Variants in ZNF827 observed in about 807,000 individuals in gnomAD.
ZNF827 encodes the protein zinc finger protein 827.
ZNF827 carries 13 observed loss-of-function variants against 102.4 expected under a neutral mutation model. The observed-to-expected ratio is 0.13, with a 90% CI of 0.08 to 0.20. The LOEUF (loss-of-function observed/expected upper bound fraction) is 0.20. Among genes scored for constraint, ZNF827 ranks in the 10% least tolerant of loss-of-function variants. ZNF827 has a pLI of 1.00. For synonymous variants in ZNF827, 523 were observed against 536.2 expected, an observed-to-expected ratio of 0.98 and a Z score of 0.34; for missense variants, 1,103 against 1,344.4, an observed-to-expected ratio of 0.82 and a Z score of 2.81.
chr4:145,832,997 C>T (rs571946381), intron 7 of ZNF827: 112 of 164,046 alleles, frequency 6.8e-4, no homozygotes, highest in Non-Finnish European at 1.3e-3. Context: ...TCTCTTCACA[C>T]GGACGTGCAT....
chr4:145,772,581 A>G (rs1002867134), intron 11 of ZNF827, among the ~76,000 whole-genome samples: 4 of 152,204 alleles, frequency 2.6e-5, no homozygotes, highest in African/African-American at 9.7e-5. Context: ...GTCTACGACT[A>G]CTTTCAAGTT....
Position 145,763,219 on chromosome 4 carries a change from A to G in ZNF827, c.3231-97T>C. 8.3e-7 allele frequency: 1 copy of G among 1,202,750 alleles called. No homozygotes were observed. The highest frequency in any genetic ancestry group is 1.2e-6 in the Non-Finnish European group (1 of 859,144). The allele number at this position is 1,202,750 out of a possible 1,614,324, so 74.5% of individuals were successfully genotyped here. A position where few individuals can be genotyped will look rare whatever the true frequency, so the allele number is the denominator to read the frequency against. Reference sequence around the variant, plus strand: ...GTTCCATCACAGAAAAGCAATTTAGACATCAGCAGTCTGTTTCATTTTAAG... The same window carrying G: ...GTTCCATCACAGAAAAGCAATTTAGGCATCAGCAGTCTGTTTCATTTTAAG... On this transcript the variant is annotated intron_variant, in intron 13 of 14. Coordinates refer to ENST00000508784, the MANE Select transcript of ZNF827 (RefSeq NM_001306215.2). The surrounding 1 kb of genome is among the most constrained non-coding windows in gnomAD (Gnocchi z 4.6).
intron 1 of ZNF827, among the ~76,000 whole-genome samples, chr4:145,935,803 T>A (rs964501707): frequency 6.6e-6 from 1 of 152,022 alleles, no homozygotes; most frequent in African/African-American, 2.4e-5. Context: ...AGCCTGAATT[T>A]CCTCTCAGAC....
chr4:145,775,717 A>C (rs1736961242), intron 10 of ZNF827, 72 bp downstream of exon 10: 5 of 1,567,912 alleles, frequency 3.2e-6, no homozygotes, highest in Non-Finnish European at 3.5e-6. Flanking sequence ...GTATGCCCAC[A>C]GCAGACAGGT....
At chr4:145,810,452 T>G (rs1324162149) in intron 8 of ZNF827, among the ~76,000 whole-genome samples, 1 of 152,082 alleles carries the variant, frequency 6.6e-6, no homozygotes, top group Non-Finnish European at 1.5e-5. Flanking sequence ...AAGTGTAATG[T>G]AAATTGATGA....
intron 5 of ZNF827, among the ~76,000 whole-genome samples, chr4:145,867,232 C>T (rs1422677648): frequency 2.0e-5 from 3 of 152,182 alleles, no homozygotes; most frequent in Non-Finnish European, 4.4e-5. Flanking sequence ...CAATTAACAA[C>T]TGGAAATAGA....
chr4:145,840,473 G>T (rs994068011), intron 7 of ZNF827, among the ~76,000 whole-genome samples: 1 of 152,202 alleles, frequency 6.6e-6, no homozygotes. Context: ...CCTAACTGAA[G>T]GGACTCTGTG....
intron 2 of ZNF827, among the ~76,000 whole-genome samples, chr4:145,897,985 T>G (rs1055884400): frequency 5.9e-5 from 9 of 152,048 alleles, no homozygotes; most frequent in Non-Finnish European, 1.0e-4. Context: ...CGAAACCCCA[T>G]CTCTACTAAA....
rs185680925 is a variant in ZNF827 at position 145,912,147 on chromosome 4, C to T, written c.44-8932G>A. On this transcript the variant is annotated intron_variant, in intron 1 of 14. Coordinates refer to ENST00000508784, the MANE Select transcript of ZNF827 (RefSeq NM_001306215.2). ...AAAATTATCAAAGTGCCATCAAGTA[C>T]GCAATATTTTCAAAATTTAATTTGA... 7.2e-5 allele frequency among the ~76,000 whole-genome samples: 11 copies of T among 152,178 alleles called. No individual in the cohort carries two copies. In the East Asian group the frequency reaches 1.5e-3, roughly 21 times the overall value.
intron 7 of ZNF827, among the ~76,000 whole-genome samples, chr4:145,843,764 T>C (rs542499541): frequency 2.6e-5 from 4 of 152,320 alleles, no homozygotes; most frequent in African/African-American, 7.2e-5. Context: ...GCTGTCCCCA[T>C]TGGAACCCCC....
In ZNF827 at chr4:145,761,625, G is replaced by T. The variant is rs549171787; in HGVS notation, c.*18-27C>A. On this transcript the variant is annotated intron_variant, in intron 14 of 14. Transcript: ENST00000508784. This position sits in a 1 kb window ranked among gnomAD's most constrained non-coding sequence, Gnocchi z 6.8. Reference sequence around the variant, plus strand: ...TGCCGGGGAAAGCAACGCAAGGGAGGTTCAGCCGGGAAGGTTCGGAGGCAG... The same window carrying T: ...TGCCGGGGAAAGCAACGCAAGGGAGTTTCAGCCGGGAAGGTTCGGAGGCAG... The T allele has an allele frequency of 2.0e-4, 240 of 1,217,352 alleles. No individual in the cohort carries two copies. Among genetic ancestry groups the T allele is most frequent in the Admixed American group, 2.5e-4 (10 of 40,048 alleles). The allele number at this position is 1,217,352 out of a possible 1,614,324, so 75.4% of individuals were successfully genotyped here.
At chr4:145,868,094 A>C (rs2126745932) in intron 5 of ZNF827, among the ~76,000 whole-genome samples, 1 of 152,364 alleles carries the variant, frequency 6.6e-6, no homozygotes, top group East Asian at 1.9e-4. Flanking sequence ...ATTAAGGGTG[A>C]GTCTTCTTTA....
rs564207865 is a variant in ZNF827 at position 145,761,388 on chromosome 4, G to C, written c.*228C>G. ...CCCCGGTGTGGACGCGCACGTGCTC[G>C]ATGAGCTTGTTGGCGGTCTTGGACA... On this transcript the variant is annotated 3_prime_UTR_variant, in exon 15 of 15. Coordinates refer to ENST00000508784, the MANE Select transcript of ZNF827 (RefSeq NM_001306215.2). This position sits in a 1 kb window ranked among gnomAD's most constrained non-coding sequence, Gnocchi z 6.8. 1.6e-6 allele frequency: 2 copies of C among 1,289,908 alleles called. No homozygotes were observed. The highest frequency in any genetic ancestry group is 2.3e-5 in the Admixed American group (1 of 43,578). The allele number at this position is 1,289,908 out of a possible 1,614,324, so 79.9% of individuals were successfully genotyped here.
intron 7 of ZNF827, among the ~76,000 whole-genome samples, chr4:145,827,019 T>C (rs572749529): frequency 7.9e-5 from 12 of 152,224 alleles, no homozygotes; most frequent in Non-Finnish European, 1.6e-4. Context: ...AGTGCTGGGA[T>C]TACAGGCATG....
intron 1 of ZNF827, among the ~76,000 whole-genome samples, chr4:145,937,052 G>C (rs1035650183): frequency 6.6e-6 from 1 of 152,126 alleles, no homozygotes; most frequent in Admixed American, 6.5e-5. Flanking sequence ...GAGCCGGGCG[G>C]CCCCGGGGGA....
intron 11 of ZNF827, among the ~76,000 whole-genome samples, chr4:145,769,306 A>G (rs928606653): frequency 9.9e-5 from 15 of 152,154 alleles, no homozygotes; most frequent in African/African-American, 3.6e-4. Context: ...CCATTTGCTT[A>G]TCAGTATATA....
At chr4:145,866,722 C>T (rs574157700) in intron 5 of ZNF827, among the ~76,000 whole-genome samples, 1 of 152,314 alleles carries the variant, frequency 6.6e-6, no homozygotes, top group Non-Finnish European at 1.5e-5. Context: ...TTATCTACTA[C>T]TTCTAGGATC....
chr4:145,900,981 TA>T (rs1751361131), intron 2 of ZNF827, among the ~76,000 whole-genome samples: 1 of 152,310 alleles, frequency 6.6e-6, no homozygotes, highest in Middle Eastern at 3.4e-3. Flanking sequence ...CCAAGAGTCA[TA>T]AAAGTCCCAG....
chr4:145,906,725 C>A (rs1751896810), intron 1 of ZNF827, among the ~76,000 whole-genome samples: 1 of 152,198 alleles, frequency 6.6e-6, no homozygotes, highest in Non-Finnish European at 1.5e-5. Flanking sequence ...TGTCAAAACA[C>A]AAACTCAAAA....
Sources: gnomAD v4.1 joint callset for allele counts (sites outside exome capture counted in the v4.1 genomes callset) on GRCh38, gnomAD v4.1.1 for gene constraint, Gnocchi (gnomAD v3.1) non-coding constraint, MANE v1.5 for transcripts, NCBI Gene and HGNC (gene_info 2026-07-23, HGNC 2026-07-21) for gene names.